BACH2: variants seen among roughly 807,000 people sequenced by gnomAD.
BACH2 encodes the protein transcription regulator protein BACH2.
BACH2 carries 5 observed loss-of-function variants against 61.8 expected under a neutral mutation model. That is an observed-to-expected ratio of 0.08 (90% confidence interval 0.04 to 0.17). The LOEUF is 0.17. BACH2 is among the 10% of genes least tolerant of loss of function. BACH2 has a pLI of 1.00. For synonymous variants in BACH2, 446 were observed against 440.1 expected (o/e 1.01, Z -0.17); for missense variants, 824 against 1,091.1 (o/e 0.76, Z 3.45).
chr6:90,069,072 C>T (rs1398175749), intron 5 of BACH2, among the ~76,000 whole-genome samples: 3 of 152,144 alleles, frequency 2.0e-5, no homozygotes, highest in Admixed American at 6.6e-5. Context: ...AACTAGATCT[C>T]ATAAGGATTC....
At chr6:90,283,668 C>A (rs1190733161) in intron 1 of BACH2, among the ~76,000 whole-genome samples, 4 of 152,176 alleles carry the variant, frequency 2.6e-5, no homozygotes, top group Admixed American at 1.3e-4. Context: ...AGCCACCACA[C>A]CCGGCCTCCT....
At chr6:90,032,116 T>C (rs1172031084) in intron 5 of BACH2, among the ~76,000 whole-genome samples, 7 of 152,244 alleles carry the variant, frequency 4.6e-5, no homozygotes, top group Non-Finnish European at 7.4e-5. Context: ...AAGGATTCCC[T>C]ATTTAATAAA....
chr6:90,258,874 A>G, intron 2 of BACH2, among the ~76,000 whole-genome samples: 1 of 150,644 alleles, frequency 6.6e-6, no homozygotes, highest in East Asian at 1.9e-4. Flanking sequence ...AATTGGTATG[A>G]AAAAAAACGC....
At chr6:89,970,929 G>A (rs754574954) in intron 6 of BACH2, among the ~76,000 whole-genome samples, 10 of 152,176 alleles carry the variant, frequency 6.6e-5, no homozygotes, top group East Asian at 1.9e-4. Context: ...AAATATATGC[G>A]GGATCTTAAC....
chr6:90,054,709 T>C (rs1209797329), intron 5 of BACH2, among the ~76,000 whole-genome samples: 2 of 152,190 alleles, frequency 1.3e-5, no homozygotes, highest in Non-Finnish European at 2.9e-5. Context: ...GGAGCCTAAC[T>C]GGGAGGCACC....
intron 5 of BACH2, among the ~76,000 whole-genome samples, chr6:90,017,651 C>T (rs1459066604): frequency 3.3e-5 from 5 of 152,120 alleles, no homozygotes; most frequent in Non-Finnish European, 7.4e-5. Context: ...CTAAAAGTCC[C>T]CTTTGGTCTT....
chr6:90,146,353 C>T (rs1784619048), intron 4 of BACH2, among the ~76,000 whole-genome samples: 1 of 152,236 alleles, frequency 6.6e-6, no homozygotes, highest in African/African-American at 2.4e-5. Context: ...ATTTAGCACT[C>T]TCTCTCTTGC....
At chr6:90,054,781 G>C (rs1255275213) in intron 5 of BACH2, among the ~76,000 whole-genome samples, 3 of 152,176 alleles carry the variant, frequency 2.0e-5, no homozygotes, top group Non-Finnish European at 4.4e-5. Flanking sequence ...AAAACTTCCA[G>C]AGGAACCATC....
chr6:90,237,282 TTAAA>T (rs1770291330), intron 3 of BACH2, among the ~76,000 whole-genome samples: 1 of 152,136 alleles, frequency 6.6e-6, no homozygotes. Context: ...GGCCCTTAAG[TTAAA>T]TAGTCATCCC....
At chr6:90,268,096 C>T (rs1771402981) in intron 2 of BACH2, among the ~76,000 whole-genome samples, 1 of 151,012 alleles carries the variant, frequency 6.6e-6, no homozygotes, top group Non-Finnish European at 1.5e-5. Flanking sequence ...GCAACCTCTG[C>T]CTCCTGGGTT....
chr6:90,005,689 GAC>G (rs1417650064), intron 6 of BACH2, among the ~76,000 whole-genome samples: 1 of 152,164 alleles, frequency 6.6e-6, no homozygotes, highest in East Asian at 1.9e-4. Context: ...CAGAAACAAT[GAC>G]AGAGCCTCAA....
chr6:90,190,589 G>A (rs1768535360), intron 4 of BACH2, among the ~76,000 whole-genome samples: 1 of 152,204 alleles, frequency 6.6e-6, no homozygotes. Context: ...TCTTGCCTGT[G>A]ATAGTCTGTG....
At chr6:90,157,435 C>T (rs1048390710) in intron 4 of BACH2, among the ~76,000 whole-genome samples, 1 of 152,204 alleles carries the variant, frequency 6.6e-6, no homozygotes, top group African/African-American at 2.4e-5. Flanking sequence ...AAGCAAAAAA[C>T]TTTGAATTGA....
intron 4 of BACH2, among the ~76,000 whole-genome samples, chr6:90,105,889 T>A (rs1405593421): frequency 6.6e-6 from 1 of 152,212 alleles, no homozygotes; most frequent in Non-Finnish European, 1.5e-5. Flanking sequence ...TATTTAAGAC[T>A]TATCCCACAT....
chr6:90,103,029 A>ATATATATTTTTTTT lies in BACH2; in HGVS notation c.-161-13921_-161-13920insAAAAAAAATATATA. 3.1e-3 allele frequency among the ~76,000 whole-genome samples: 66 copies of ATATATATTTTTTTT among 21,158 alleles called. 4 individuals carry two copies. Among genetic ancestry groups the ATATATATTTTTTTT allele is most frequent in the Non-Finnish European group, 4.1e-3 (52 of 12,534 alleles). 13.9% of individuals were successfully genotyped at this position (21,158 alleles called of 152,430 possible). On this transcript the variant is annotated intron_variant, in intron 4 of 8. Coordinates refer to ENST00000257749, the MANE Select transcript of BACH2 (RefSeq NM_021813.4). ...TACATATATATATATATATATATAT[A>ATATATATTTTTTTT]TTTTTTTTTTTTTTTTTTTTTTACC...
rs1772698666 is a variant in BACH2 at position 89,932,280 on chromosome 6, T to C, written c.*128A>G. ...GGATACTTCGGAACAGTATTGCTGC[T>C]AAGACCGCTGTAGTGTGCACCAAAT... On this transcript the variant is annotated 3_prime_UTR_variant, in exon 9 of 9. Transcript: ENST00000257749. 3.2e-6 allele frequency: 4 copies of C among 1,263,060 alleles called. No individual in the cohort carries two copies. The highest frequency in any genetic ancestry group is 4.4e-6 in the Non-Finnish European group (4 of 908,998). The allele number at this position is 1,263,060 out of a possible 1,614,324, so 78.2% of individuals were successfully genotyped here. A position where few individuals can be genotyped will look rare whatever the true frequency, so the allele number is the denominator to read the frequency against.
chr6:90,111,498 C>T (rs899770685), intron 4 of BACH2, among the ~76,000 whole-genome samples: 1 of 152,258 alleles, frequency 6.6e-6, no homozygotes, highest in Non-Finnish European at 1.5e-5. Context: ...CTCATTCATG[C>T]CTGTACTCCT....
rs71027920 is a variant in BACH2 at position 90,065,270 on chromosome 6, C to CTTTTTTTTTTTTTTTTTTTTTTTTTTTT, written c.-13+23663_-13+23690dup. Among the ~76,000 whole-genome samples the CTTTTTTTTTTTTTTTTTTTTTTTTTTTT allele has an allele frequency of 1.1e-4, 6 of 52,666 alleles. 2 individuals are homozygous for CTTTTTTTTTTTTTTTTTTTTTTTTTTTT. The highest frequency in any genetic ancestry group is 1.4e-4 in the Non-Finnish European group (4 of 29,580). The allele number at this position is 52,666 out of a possible 152,430, so 34.6% of individuals were successfully genotyped here. ...GCCACCCCACCCCCTGCCGCCCCCA[C>CTTTTTTTTTTTTTTTTTTTTTTTTTTTT]TTTTTTTTTTTTTTTTTTTTTTTTT... On this transcript the variant is annotated intron_variant, in intron 5 of 8. Coordinates refer to ENST00000257749, the MANE Select transcript of BACH2 (RefSeq NM_021813.4).
At chr6:90,283,145 T>A (rs564191369) in intron 1 of BACH2, among the ~76,000 whole-genome samples, 80 of 152,316 alleles carry the variant, frequency 5.3e-4, no homozygotes, top group Non-Finnish European at 1.0e-3. Context: ...GCCAATTGGG[T>A]TTCTTCCTTT....
Sources: allele counts gnomAD v4.1 joint callset (sites outside exome capture counted in the v4.1 genomes callset), GRCh38; gene constraint gnomAD v4.1.1; transcripts MANE v1.5; gene names NCBI Gene and HGNC (gene_info 2026-07-23, HGNC 2026-07-21).